Variants in LRRK1 observed in about 807,000 individuals in gnomAD.
The protein encoded by LRRK1 is leucine rich repeat kinase 1.
Under a neutral mutation model 209.1 loss-of-function variants are expected in LRRK1, and 113 were observed. The observed-to-expected ratio is 0.54, with a 90% CI of 0.46 to 0.63. LRRK1 has a LOEUF of 0.63. Among genes scored for constraint, LRRK1 ranks in the 30% least tolerant of loss-of-function variants. LRRK1 has a pLI of 0.00. For synonymous variants in LRRK1, 1,144 were observed against 1,099.7 expected (o/e 1.04, Z -0.80); for missense variants, 2,284 against 2,632.2 (o/e 0.87, Z 2.89).
Position 101,072,741 on chromosome 15 carries a change from C to T in LRRK1, c.*3893C>T, listed in dbSNP as rs528375266. On this transcript the variant is annotated 3_prime_UTR_variant, in exon 34 of 34. Transcript: ENST00000388948. ...CCCACTGAGCACGTTGCCACCCCCA[C>T]TCCTGCCCGCCAGAGAACAAACCCC... The T allele has an allele frequency of 6.6e-6, 1 of 152,296 alleles. No individual in the cohort carries two copies. Among genetic ancestry groups the T allele is most frequent in the African/African-American group, 2.4e-5 (1 of 41,426 alleles). 9.4% of individuals were successfully genotyped at this position (152,296 alleles called of 1,614,324 possible).
At position 100,974,102 on chromosome 15, in the gene LRRK1, G is replaced by A. The variant is rs1283947202; in HGVS notation, c.261+135G>A. The stretch of plus-strand genomic sequence containing the variant: ...GTGTTCTGGAAACGCCTCGCTTTGC[G>A]TATAAACTTGTGGGCGCCTTTCCTT... On this transcript the variant is annotated intron_variant, in intron 3 of 33. Transcript: ENST00000388948. The A allele has an allele frequency of 5.6e-6, 4 of 712,140 alleles. No homozygotes were observed. The East Asian group carries it at 1.0e-4, about 18-fold the overall frequency. 44.1% of individuals were successfully genotyped at this position (712,140 alleles called of 1,614,324 possible). A position where few individuals can be genotyped will look rare whatever the true frequency, so the allele number is the denominator to read the frequency against.
chr15:101,075,471 C>G lies in LRRK1; in HGVS notation c.*6623C>G, dbSNP rs2036951164. 8.1e-6 allele frequency: 1 copy of G among 123,244 alleles called. No individual in the cohort carries two copies. Among genetic ancestry groups the G allele is most frequent in the Admixed American group, 7.6e-5 (1 of 13,124 alleles). 7.6% of individuals were successfully genotyped at this position (123,244 alleles called of 1,614,324 possible). A position where few individuals can be genotyped will look rare whatever the true frequency, so the allele number is the denominator to read the frequency against. On this transcript the variant is annotated 3_prime_UTR_variant, in exon 34 of 34. Transcript: ENST00000388948. ...CTCTACTCCCTCCTTGGTGACCGAT[C>G]ATGCACCCCTTACCATCTCATCGAA...
chr15:100,948,560 G>T (rs956214311), intron 2 of LRRK1, among the ~76,000 whole-genome samples: 2 of 151,744 alleles, frequency 1.3e-5, no homozygotes, highest in Non-Finnish European at 2.9e-5. Context: ...TTTTTACCTT[G>T]TTTCTGTGTT....
intron 31 of LRRK1, 104 bp downstream of exon 31, chr15:101,062,794 G>A: frequency 2.4e-6 from 2 of 819,546 alleles, no homozygotes; most frequent in East Asian, 4.9e-5. Context: ...CCACACCTAG[G>A]ACCACCTGGC....
chr15:100,987,374 A>G (rs912328228), intron 4 of LRRK1, among the ~76,000 whole-genome samples: 4 of 152,158 alleles, frequency 2.6e-5, no homozygotes, highest in African/African-American at 9.7e-5. Flanking sequence ...TTTCCATGGC[A>G]ACTAGACCCA....
chr15:101,061,557 G>A (rs566283464), intron 30 of LRRK1, among the ~76,000 whole-genome samples: 24 of 152,362 alleles, frequency 1.6e-4, no homozygotes, highest in African/African-American at 2.6e-4. Flanking sequence ...AGCAGGAGAC[G>A]AGACCCAGGA....
chr15:100,994,807 A>C (rs2141675762), intron 6 of LRRK1, among the ~76,000 whole-genome samples: 1 of 152,282 alleles, frequency 6.6e-6, no homozygotes, highest in East Asian at 1.9e-4. Flanking sequence ...TCTAACCTGC[A>C]ACAGCACATT....
intron 20 of LRRK1, among the ~76,000 whole-genome samples, chr15:101,039,615 G>A (rs191321313): frequency 3.9e-5 from 6 of 152,142 alleles, no homozygotes; most frequent in Admixed American, 2.0e-4. Context: ...GATCTCTAGC[G>A]AAGGTTTAAA....
At chr15:101,057,936 C>A in intron 28 of LRRK1, 54 bp from the exon 29 acceptor site, 1 of 1,595,554 alleles carries the variant, frequency 6.3e-7, no homozygotes, top group Non-Finnish European at 8.6e-7. Context: ...GCAGAACGGG[C>A]ACCAATCCGG....
rs757356517 is a variant in LRRK1, at chr15:101,055,111, T to G, written c.4220T>G (p.Leu1407Arg). 4 of 1,614,006 alleles carry G rather than the reference T, an allele frequency of 2.5e-6. No homozygotes were observed. The highest frequency in any genetic ancestry group is 3.4e-6 in the Non-Finnish European group (4 of 1,179,954). The change falls in exon 27 of 34, where the codon CTA becomes CGA. Residue 1407 changes from leucine (L) to arginine (R), a missense_variant. By Grantham distance (102) the Leu-to-Arg change is moderately radical. Transcript: ENST00000388948. ...LDVKEHINIK[L>R]SDYGISRQSF... ...GTCAAGGAGCACATCAACATCAAGC[T>G]ATCTGACTACGGGATTTCGAGGCAG...
chr15:100,927,449 A>C (rs1198676372), intron 2 of LRRK1, among the ~76,000 whole-genome samples: 3 of 152,112 alleles, frequency 2.0e-5, no homozygotes, highest in African/African-American at 7.2e-5. Context: ...AATCCCTGCT[A>C]TCCCTGTTCT....
At position 101,061,257 on chromosome 15, in the gene LRRK1, A is replaced by G. The variant is rs2141154307; in HGVS notation, c.4766A>G (p.Gln1589Arg). The G allele has an allele frequency of 6.2e-7, 1 of 1,614,042 alleles. No homozygotes were observed. The highest frequency in any genetic ancestry group is 1.1e-5 in the South Asian group (1 of 91,068). ...CPGMKVSCQLQVQRSLWTATE... is the reference protein window; with the variant it reads ...CPGMKVSCQLRVQRSLWTATE... Reference sequence around the variant, plus strand: ...GGGATGAAGGTGAGCTGCCAGCTCCAGGTCCAGAGATCCCTGTGGACAGCC... The same window carrying G: ...GGGATGAAGGTGAGCTGCCAGCTCCGGGTCCAGAGATCCCTGTGGACAGCC... Residue 1589 changes from glutamine (Q) to arginine (R), a missense_variant, in exon 30 of 34, where the codon CAG becomes CGG. This residue lies in a region of LRRK1 where 643 missense variants were observed against 695.9 expected (regional missense o/e 0.92). Transcript: ENST00000388948.
intron 10 of LRRK1, among the ~76,000 whole-genome samples, chr15:101,013,822 G>A (rs1279711118): frequency 1.3e-5 from 2 of 152,050 alleles, no homozygotes; most frequent in Non-Finnish European, 2.9e-5. Flanking sequence ...CAGAGGGCAT[G>A]CGGCTAGGAC....
chr15:100,982,212 A>T (rs184869198), intron 3 of LRRK1, among the ~76,000 whole-genome samples: 9 of 151,874 alleles, frequency 5.9e-5, no homozygotes, highest in African/African-American at 1.9e-4. Context: ...TTGATGGGGG[A>T]CACTGGCCAT....
chr15:100,984,958 C>T (rs1017100722), intron 4 of LRRK1, among the ~76,000 whole-genome samples: 1 of 152,132 alleles, frequency 6.6e-6, no homozygotes, highest in African/African-American at 2.4e-5. Context: ...GAAGGGCCCA[C>T]GTTACGTTTA....
chr15:101,057,813 A>G (rs753850620), intron 28 of LRRK1, among the ~76,000 whole-genome samples, 177 bp from the exon 29 acceptor site: 4 of 152,174 alleles, frequency 2.6e-5, no homozygotes, highest in Non-Finnish European at 5.9e-5. Context: ...TGACCCAGAT[A>G]CCTGGATGGG....
intron 2 of LRRK1, among the ~76,000 whole-genome samples, chr15:100,928,997 A>C (rs2042162457): frequency 6.6e-6 from 1 of 152,194 alleles, no homozygotes; most frequent in Non-Finnish European, 1.5e-5. Context: ...ATGGGCGTAG[A>C]GTTTGCCAGC....
chr15:101,027,763 C>T lies in LRRK1; in HGVS notation c.2652C>T (p.Asp884=), dbSNP rs778122253. 6.9e-6 allele frequency: 11 copies of T among 1,599,814 alleles called. No individual in the cohort carries two copies. In the East Asian group the frequency reaches 2.3e-4, roughly 33 times the overall value. ...AGCAGCTGGTGGAGCAGACGCCCGA[C>T]AACGACATCAAGGACTACGAGGACC... ...QLEQLVEQTP[D]NDIKDYEDLQ... is the part of the protein sequence containing the mutation. Residue 884 remains aspartate (D), a synonymous_variant, in exon 19 of 34, where the codon GAC becomes GAT. Coordinates refer to ENST00000388948, the MANE Select transcript of LRRK1 (RefSeq NM_024652.6). The surrounding 1 kb of genome is among the most constrained non-coding windows in gnomAD (Gnocchi z 5.1).
At chr15:101,011,005 G>A (rs1256942081) in intron 9 of LRRK1, among the ~76,000 whole-genome samples, 168 bp downstream of exon 9, 2 of 152,152 alleles carry the variant, frequency 1.3e-5, no homozygotes, top group East Asian at 1.9e-4. Context: ...CAGCGAGGCT[G>A]TGTCCCAGGC....
Sources: gnomAD v4.1 joint callset for allele counts (sites outside exome capture counted in the v4.1 genomes callset) on GRCh38, gnomAD v4.1.1 for gene constraint, gnomAD v4.1.1 regional missense constraint, Gnocchi (gnomAD v3.1) non-coding constraint, MANE v1.5 for transcripts, NCBI Gene and HGNC (gene_info 2026-07-23, HGNC 2026-07-21) for gene names.